Variants in RBFOX1 observed in about 807,000 individuals in gnomAD.
RBFOX1 encodes RNA binding fox-1 homolog 1.
RBFOX1 carries 8 observed loss-of-function variants against 57.7 expected under a neutral mutation model. The observed-to-expected ratio is 0.14, with a 90% CI of 0.08 to 0.25. The LOEUF is 0.25. Among genes scored for constraint, RBFOX1 ranks in the 10% least tolerant of loss-of-function variants. The pLI, the probability that RBFOX1 is intolerant of heterozygous loss-of-function variation, is 1.00. For missense variants in RBFOX1, 611 were observed against 548.5 expected, an observed-to-expected ratio of 1.11 and a Z score of -1.14; for synonymous variants, 326 against 222.4, an observed-to-expected ratio of 1.47 and a Z score of -4.15.
intron 1 of RBFOX1, among the ~76,000 whole-genome samples, chr16:6,229,477 A>C (rs1420027): frequency 0.97 from 146,918 of 152,238 alleles, 71,073 homozygotes; most frequent in East Asian, 1. Context: ...AAAGCCCACA[A>C]TGATGTTTGT....
intron 2 of RBFOX1, among the ~76,000 whole-genome samples, chr16:5,494,851 CA>C (rs1467310062): frequency 6.6e-6 from 1 of 152,166 alleles, no homozygotes; most frequent in Non-Finnish European, 1.5e-5. Context: ...GGGCCAGTAG[CA>C]AATATGATCC....
At chr16:7,694,820 G>T (rs771936436) in intron 14 of RBFOX1, among the ~76,000 whole-genome samples, 4 of 152,136 alleles carry the variant, frequency 2.6e-5, no homozygotes, top group Non-Finnish European at 4.4e-5. Context: ...GGAGGTAGGG[G>T]TGGGGAATAA....
At chr16:7,642,583 C>T (rs573933767) in intron 11 of RBFOX1, among the ~76,000 whole-genome samples, 15 of 152,240 alleles carry the variant, frequency 9.9e-5, no homozygotes, top group African/African-American at 3.1e-4. Flanking sequence ...GGCAATTCAC[C>T]GAGCTTGCTG....
rs540914764 is a variant in RBFOX1, at chr16:7,695,684, C to G, written c.996-13372C>G. ...AAAAAAAAAAAAAATCCTGCTGTGC[C>G]CACTACCCACATTCTAAACAGCACT... is the stretch of plus-strand genomic sequence containing the variant. On this transcript the variant is annotated intron_variant, in intron 14 of 15. Transcript: ENST00000550418. 8.5e-4 allele frequency among the ~76,000 whole-genome samples: 129 copies of G among 151,110 alleles called. 1 individual carries two copies. The highest frequency in any genetic ancestry group is 3.1e-3 in the African/African-American group (127 of 41,166).
intron 3 of RBFOX1, among the ~76,000 whole-genome samples, chr16:6,916,789 C>A (rs1429669716): frequency 6.6e-6 from 1 of 152,126 alleles, no homozygotes; most frequent in African/African-American, 2.4e-5. Context: ...TCTTTGAAGG[C>A]TGAGTTCAAA....
intron 4 of RBFOX1, among the ~76,000 whole-genome samples, chr16:7,227,165 C>G (rs553235815): frequency 6.6e-6 from 1 of 152,078 alleles, no homozygotes; most frequent in East Asian, 1.9e-4. Context: ...TTATGTCACT[C>G]ATGTACATGG....
intron 2 of RBFOX1, among the ~76,000 whole-genome samples, chr16:5,578,201 C>T (rs1286271262): frequency 1.3e-5 from 2 of 152,166 alleles, no homozygotes; most frequent in East Asian, 1.9e-4. Flanking sequence ...CCACCCACCT[C>T]GGCCTCCCAG....
Position 5,702,609 on chromosome 16 carries a change from T to C in RBFOX1, c.318+103648T>C, listed in dbSNP as rs193061121. On this transcript the variant is annotated intron_variant, in intron 3 of 19. Coordinates refer to the RBFOX1 transcript ENST00000641259. ...GGATTTTATACTTCCCTGGTTGTTT[T>C]TGGACTTTGTTGAGGTCTGTTTTAA... 2.7e-3 allele frequency among the ~76,000 whole-genome samples: 414 copies of C among 152,342 alleles called. 1 individual carries two copies. The highest frequency in any genetic ancestry group is 9.4e-3 in the African/African-American group (390 of 41,576).
chr16:5,703,775 TTATG>T (rs2051139152), intron 3 of RBFOX1, among the ~76,000 whole-genome samples: 1 of 152,192 alleles, frequency 6.6e-6, no homozygotes, highest in Non-Finnish European at 1.5e-5. Flanking sequence ...GCATGTGTAT[TTATG>T]TGTGTGAGTA....
intron 2 of RBFOX1, among the ~76,000 whole-genome samples, chr16:5,491,167 A>G (rs561563141): frequency 6.6e-6 from 1 of 152,244 alleles, no homozygotes; most frequent in African/African-American, 2.4e-5. Context: ...TGACTATGTA[A>G]TAAACACACA....
At chr16:7,217,230 T>C (rs1035706947) in intron 4 of RBFOX1, among the ~76,000 whole-genome samples, 1 of 150,464 alleles carries the variant, frequency 6.6e-6, no homozygotes, top group East Asian at 2.0e-4. Context: ...ACAGCAGGAG[T>C]AGCTGGGACT....
At chr16:7,060,963 G>A (rs2054057997) in intron 4 of RBFOX1, among the ~76,000 whole-genome samples, 1 of 152,292 alleles carries the variant, frequency 6.6e-6, no homozygotes, top group East Asian at 1.9e-4. Flanking sequence ...GACTTACAGA[G>A]AACCCTCAGG....
chr16:6,625,900 T>G (rs1316764553), intron 2 of RBFOX1, among the ~76,000 whole-genome samples: 1 of 152,212 alleles, frequency 6.6e-6, no homozygotes, highest in African/African-American at 2.4e-5. Context: ...AGGTAGAAAT[T>G]AGCTCTGATC....
intron 3 of RBFOX1, among the ~76,000 whole-genome samples, chr16:5,683,624 T>G (rs1340437415): frequency 6.6e-6 from 1 of 151,976 alleles, no homozygotes; most frequent in East Asian, 1.9e-4. Context: ...AACATCAGAC[T>G]CCAAGTTCTT....
intron 4 of RBFOX1, among the ~76,000 whole-genome samples, chr16:7,071,557 C>G (rs1476800095): frequency 6.6e-6 from 1 of 150,678 alleles, no homozygotes; most frequent in Non-Finnish European, 1.5e-5. Context: ...GTTGGGGTCA[C>G]AACTGACCCC....
At chr16:5,684,456 G>A (rs1421876741) in intron 3 of RBFOX1, among the ~76,000 whole-genome samples, 2 of 152,052 alleles carry the variant, frequency 1.3e-5, no homozygotes, top group Non-Finnish European at 2.9e-5. Context: ...CGTGGCACCA[G>A]CTCTCCTCTG....
At chr16:7,619,576 T>C (rs1373037238) in intron 10 of RBFOX1, among the ~76,000 whole-genome samples, 7 of 152,204 alleles carry the variant, frequency 4.6e-5, no homozygotes, top group African/African-American at 1.7e-4. Context: ...CCCTCCTAAA[T>C]AGTTCTGTAA....
chr16:6,141,426 G>T (rs903774067), intron 1 of RBFOX1, among the ~76,000 whole-genome samples: 2 of 152,096 alleles, frequency 1.3e-5, no homozygotes, highest in Admixed American at 6.5e-5. Context: ...CTCCCCCTGG[G>T]TTATCTGTTA....
intron 3 of RBFOX1, among the ~76,000 whole-genome samples, chr16:6,726,636 A>G (rs1166744653): frequency 6.6e-6 from 1 of 152,184 alleles, no homozygotes; most frequent in Non-Finnish European, 1.5e-5. Flanking sequence ...CTATGATTTC[A>G]AACAGGTGTG....
Sources: gnomAD v4.1 joint callset for allele counts (sites outside exome capture counted in the v4.1 genomes callset) on GRCh38, gnomAD v4.1.1 for gene constraint, MANE v1.5 for transcripts, NCBI Gene and HGNC (gene_info 2026-07-23, HGNC 2026-07-21) for gene names.